Variants in FBXL22 observed in about 807,000 individuals in gnomAD.
FBXL22 encodes F-box and leucine-rich protein 22.
FBXL22 carries 13 observed loss-of-function variants against 11.7 expected under a neutral mutation model. The ratio of observed to expected loss-of-function variants is 1.11; its 90% CI spans 0.73 to 1.77. The LOEUF (loss-of-function observed/expected upper bound fraction) is 1.77. FBXL22 is among the 40% of genes most tolerant of loss of function. FBXL22 has a pLI of 0.00. For synonymous variants in FBXL22, 160 were observed against 144.1 expected, an observed-to-expected ratio of 1.11 and a Z score of -0.79; for missense variants, 406 against 320.4, an observed-to-expected ratio of 1.27 and a Z score of -2.04.
At chr15:63,601,363 G>A (rs368196308), downstream of FBXL22, 1 of 1,604,600 alleles carries the variant, frequency 6.2e-7, no homozygotes, top group South Asian at 1.1e-5. Context: ...TCCGATCGCC[G>A]TTGGACCGAA....
chr15:63,602,643 G>C (rs993959564), downstream of FBXL22, among the ~76,000 whole-genome samples: 102 of 150,904 alleles, frequency 6.8e-4, 1 homozygote, highest in African/African-American at 2.4e-3. Context: ...AGTGCAGGCT[G>C]TAACAAGGGC....
chr15:63,607,742 A>C, the FBXL22 span, among the ~76,000 whole-genome samples: 2 of 152,220 alleles, frequency 1.3e-5, no homozygotes, highest in African/African-American at 4.8e-5. Context: ...CTGTCGGCAA[A>C]GACCCTGTCC....
chr15:63,600,782 C>T lies in FBXL22; in HGVS notation c.439C>T (p.Arg147Cys). ...GGCGCGCCTGCTGCGCTGCTGCCCA[C>T]GCCTGCGCGCACTGCGCCTGGAGAA... ...CLARLLRCCP[R>C]LRALRLENCA... Residue 147 changes from arginine to cysteine, a missense_variant, in exon 2 of 2, where the codon CGC becomes TGC. Physicochemically the swap from Arg to Cys is radical, Grantham distance 180. Transcript: ENST00000638704. The T allele has an allele frequency of 8.1e-7, 1 of 1,231,268 alleles. No individual in the cohort carries two copies. Among genetic ancestry groups the T allele is most frequent in the Admixed American group, 4.2e-5 (1 of 23,716 alleles). The allele number at this position is 1,231,268 out of a possible 1,614,324, so 76.3% of individuals were successfully genotyped here. A position where few individuals can be genotyped will look rare whatever the true frequency, so the allele number is the denominator to read the frequency against.
At position 63,597,472 on chromosome 15, in the gene FBXL22, A is replaced by G; in HGVS notation, c.80A>G (p.Asp27Gly). 2 of 1,614,102 alleles carry G rather than the reference A, an allele frequency of 1.2e-6. No individual in the cohort carries two copies. Among genetic ancestry groups the G allele is most frequent in the Non-Finnish European group, 1.7e-6 (2 of 1,180,014 alleles). ...CACCTCTTCTCCTTCCTAGACAAGG[A>G]CAGCAGGAAGAGCCTTGCCAGGACC... ...LLHLFSFLDK[D>G]SRKSLARTCS... Residue 27 changes from aspartate (D) to glycine (G), a missense_variant, in exon 1 of 2, where the codon GAC becomes GGC. Coordinates refer to ENST00000638704, the MANE Select transcript of FBXL22 (RefSeq NM_001367807.1). The surrounding 1 kb of genome is among the most constrained non-coding windows in gnomAD (Gnocchi z 4.3).
In FBXL22 at chr15:63,600,970, C is replaced by G; in HGVS notation, c.627C>G (p.Ala209=). ...RLALRAEHSA[A]MLPDQPPRPR... ...CCCTGCGGGCAGAGCACAGCGCCGC[C>G]ATGCTGCCCGACCAGCCCCCGCGCC... Residue 209 remains alanine (A), a synonymous_variant, in exon 2 of 2, where the codon GCC becomes GCG. Transcript: ENST00000638704. The G allele has an allele frequency of 8.4e-7, 1 of 1,193,298 alleles. No individual in the cohort carries two copies. The highest frequency in any genetic ancestry group is 1.0e-6 in the Non-Finnish European group (1 of 963,264). 73.9% of individuals were successfully genotyped at this position (1,193,298 alleles called of 1,614,324 possible).
downstream of FBXL22, chr15:63,601,418 T>G (rs199620277): frequency 1.5e-3 from 2,315 of 1,591,288 alleles, 2 homozygotes; most frequent in Non-Finnish European, 1.8e-3. Context: ...TTCGCCGACT[T>G]GCGCTCGGGG....
downstream of FBXL22, chr15:63,601,322 G>A: frequency 1.3e-6 from 2 of 1,595,154 alleles, no homozygotes; most frequent in Non-Finnish European, 1.7e-6. Flanking sequence ...TCCCCACGGA[G>A]GCGGGAGGCG....
chr15:63,605,655 C>T (rs551956394), downstream of FBXL22, among the ~76,000 whole-genome samples: 10 of 152,244 alleles, frequency 6.6e-5, no homozygotes, highest in Non-Finnish European at 1.5e-4. Flanking sequence ...ATTGTATTCC[C>T]GAGCCACCCA....
Position 63,600,934 on chromosome 15 carries a change from C to T in FBXL22, c.591C>T (p.Cys197=). 2 of 1,205,320 alleles carry T rather than the reference C, an allele frequency of 1.7e-6. No individual in the cohort carries two copies. 74.7% of individuals were successfully genotyped at this position (1,205,320 alleles called of 1,614,324 possible). A position where few individuals can be genotyped will look rare whatever the true frequency, so the allele number is the denominator to read the frequency against. The change falls in exon 2 of 2, where the codon TGC becomes TGT. Residue 197 remains cysteine (C), a synonymous_variant. Transcript: ENST00000638704. The part of the protein sequence containing the change: ...AAGLRRLRAA[C]PRLALRAEHS... ...GCCTGCGCCGCCTGCGCGCCGCGTG[C>T]CCGCGCCTGGCCCTGCGGGCAGAGC...
chr15:63,597,869 C>A lies in FBXL22; in HGVS notation c.353+124C>A. ...CCTTCGGGGCGCCTCAAACTAGGCC[C>A]AAGGCAGACATCCAGACCGCCCAAA... On this transcript the variant is annotated intron_variant, in intron 1 of 1. Transcript: ENST00000638704. This position sits in a 1 kb window ranked among gnomAD's most constrained non-coding sequence, Gnocchi z 4.3. 2 of 863,198 alleles carry A rather than the reference C, an allele frequency of 2.3e-6. No individual in the cohort carries two copies. Among genetic ancestry groups the A allele is most frequent in the South Asian group, 1.8e-5 (1 of 55,794 alleles). The allele number at this position is 863,198 out of a possible 1,614,324, so 53.5% of individuals were successfully genotyped here.
At chr15:63,605,409 A>C (rs1172753706), downstream of FBXL22, among the ~76,000 whole-genome samples, 1 of 152,212 alleles carries the variant, frequency 6.6e-6, no homozygotes, top group Non-Finnish European at 1.5e-5. Flanking sequence ...TTGGGGGGCT[A>C]GAAAAGCTGA....
In FBXL22 at chr15:63,597,403, T is replaced by C; in HGVS notation, c.11T>C (p.Leu4Pro). ...TGCAGCTGCACTCACATGTGGCCACTGCTCACCATGCACATAACCCAGCTC... is the reference window on the plus strand; with the variant it reads ...TGCAGCTGCACTCACATGTGGCCACCGCTCACCATGCACATAACCCAGCTC... MWP[L>P]LTMHITQLNR... The change falls in exon 1 of 2, where the codon CTG becomes CCG. Residue 4 changes from leucine (L) to proline (P), a missense_variant. By Grantham distance (98) the Leu-to-Pro change is moderately conservative. Transcript: ENST00000638704. The surrounding 1 kb of genome is among the most constrained non-coding windows in gnomAD (Gnocchi z 4.3). 1.2e-6 allele frequency: 2 copies of C among 1,608,610 alleles called. No individual in the cohort carries two copies. The highest frequency in any genetic ancestry group is 1.7e-4 in the Middle Eastern group (1 of 6,056).
In FBXL22 at chr15:63,600,010, C is replaced by G. The variant is rs1028907463; in HGVS notation, c.354-687C>G. The G allele has an allele frequency of 1.6e-5, 16 of 985,790 alleles. No individual in the cohort carries two copies. The African/African-American group carries it at 2.6e-4, about 16-fold the overall frequency. 61.1% of individuals were successfully genotyped at this position (985,790 alleles called of 1,614,324 possible). On this transcript the variant is annotated intron_variant, in intron 1 of 1. Coordinates refer to ENST00000638704, the MANE Select transcript of FBXL22 (RefSeq NM_001367807.1). ...CTGGGAGGGGCTGGTGAGGCTGCAGCAGAGGGTCCCCCAAGCTTTCTGGCC... is the reference window on the plus strand; with the variant it reads ...CTGGGAGGGGCTGGTGAGGCTGCAGGAGAGGGTCCCCCAAGCTTTCTGGCC...
downstream of FBXL22, among the ~76,000 whole-genome samples, chr15:63,607,297 G>A (rs554035112): frequency 5.8e-4 from 89 of 152,156 alleles, no homozygotes; most frequent in South Asian, 1.2e-3. Flanking sequence ...CACCCGCCTC[G>A]GCCTCCCAAA....
At chr15:63,604,927 C>T (rs893013073), downstream of FBXL22, among the ~76,000 whole-genome samples, 2 of 152,114 alleles carry the variant, frequency 1.3e-5, no homozygotes, top group Admixed American at 6.5e-5. Flanking sequence ...TGGCGGGTGC[C>T]TGTAATCCCA....
downstream of FBXL22, chr15:63,601,763 A>C (rs1253716637): frequency 6.8e-7 from 1 of 1,480,718 alleles, no homozygotes; most frequent in South Asian, 1.3e-5. Flanking sequence ...CATATTTTCT[A>C]CTGTTCTCAT....
chr15:63,599,450 A>C, intron 1 of FBXL22: 2 of 1,326,248 alleles, frequency 1.5e-6, no homozygotes, highest in Non-Finnish European at 9.6e-7. Flanking sequence ...AGGTTCAGAC[A>C]TCTGTCCTGG....
chr15:63,601,937 A>G, downstream of FBXL22: 1 of 522,100 alleles, frequency 1.9e-6, no homozygotes, highest in Non-Finnish European at 3.3e-6. Context: ...TAGGCTTCCA[A>G]TTTGAATTTC....
chr15:63,600,780 C>G lies in FBXL22; in HGVS notation c.437C>G (p.Pro146Arg). The G allele has an allele frequency of 1.6e-6, 2 of 1,231,286 alleles. No homozygotes were observed. The highest frequency in any genetic ancestry group is 3.2e-5 in the East Asian group (1 of 31,692). 76.3% of individuals were successfully genotyped at this position (1,231,286 alleles called of 1,614,324 possible). A position where few individuals can be genotyped will look rare whatever the true frequency, so the allele number is the denominator to read the frequency against. The change falls in exon 2 of 2, where the codon CCA becomes CGA. Residue 146 changes from proline (P) to arginine (R), a missense_variant. Transcript: ENST00000638704. Reference protein sequence around the residue: ...DCLARLLRCCPRLRALRLENC... With the variant: ...DCLARLLRCCRRLRALRLENC... ...CTGGCGCGCCTGCTGCGCTGCTGCC[C>G]ACGCCTGCGCGCACTGCGCCTGGAG...
Sources: gnomAD v4.1 joint callset for allele counts (sites outside exome capture counted in the v4.1 genomes callset) on GRCh38, gnomAD v4.1.1 for gene constraint, Gnocchi (gnomAD v3.1) non-coding constraint, MANE v1.5 for transcripts, NCBI Gene and HGNC (gene_info 2026-07-23, HGNC 2026-07-21) for gene names.